The following MYO18B variants were observed in gnomAD, a reference collection of about 807,000 sequenced individuals.
The protein encoded by MYO18B is myosin XVIIIB, also known as unconventional myosin-XVIIIb.
A neutral mutation model predicts 273.0 loss-of-function variants in MYO18B; 204 were observed. That is an observed-to-expected ratio of 0.75 (90% CI 0.67 to 0.84). MYO18B has a LOEUF of 0.84. Among genes scored for constraint, MYO18B ranks in the 40% least tolerant of loss-of-function variants. MYO18B has a pLI of 0.00. For missense variants in MYO18B, 3,212 were observed against 3,287.6 expected (o/e 0.98, Z 0.56); for synonymous variants, 1,330 against 1,305.7 (o/e 1.02, Z -0.40).
Position 25,763,215 on chromosome 22 carries a change from T to G in MYO18B, c.40-16T>G. 6.2e-7 allele frequency: 1 copy of G among 1,608,406 alleles called. No homozygotes were observed. Among genetic ancestry groups the G allele is most frequent in the Non-Finnish European group, 8.5e-7 (1 of 1,176,014 alleles). On this transcript the variant is annotated splice_polypyrimidine_tract_variant and intron_variant, in intron 2 of 43. Transcript: ENST00000335473. ...TGACTCACTGAGCTCTCTCTTTCCT[T>G]GCTTCTGCAAAACAGATTCGGGAAG... is the stretch of plus-strand genomic sequence containing the variant.
chr22:26,027,180 GC>G lies in MYO18B; in HGVS notation c.7208del (p.Pro2403ArgfsTer12). On this transcript the variant is annotated frameshift_variant, in exon 43 of 44. Coordinates refer to ENST00000335473, the MANE Select transcript of MYO18B (RefSeq NM_032608.7). LOFTEE classifies it low-confidence loss of function (END_TRUNC). The surrounding 1 kb of genome is among the most constrained non-coding windows in gnomAD (Gnocchi z 4.1). Reference sequence around the variant, plus strand: ...CGGGCTGTCCAGACCTTGGAAAGGAGCCGCTTGTTTTCCAGAACCGCCAGTT... The same window carrying G: ...CGGGCTGTCCAGACCTTGGAAAGGAGCGCTTGTTTTCCAGAACCGCCAGTT... The part of the protein sequence containing the change: ...DAGCPDLGKE[P>X]LVFQNRQFAH... The G allele has an allele frequency of 6.2e-7, 1 of 1,613,984 alleles. No individual in the cohort carries two copies. Among genetic ancestry groups the G allele is most frequent in the South Asian group, 1.1e-5 (1 of 91,088 alleles).
At chr22:25,902,455 A>T (rs1349569948) in intron 29 of MYO18B, among the ~76,000 whole-genome samples, 158 bp from the exon 30 acceptor site, 24 of 152,134 alleles carry the variant, frequency 1.6e-4, no homozygotes, top group Admixed American at 1.6e-3. Flanking sequence ...AAAACTTCCA[A>T]CTTCTCATAC....
chr22:25,846,778 A>G (rs1289981613), intron 19 of MYO18B, among the ~76,000 whole-genome samples: 2 of 152,184 alleles, frequency 1.3e-5, no homozygotes, highest in Non-Finnish European at 2.9e-5. Flanking sequence ...AGGGAAGGAC[A>G]CCTTTAAATA....
chr22:26,014,438 T>C (rs1251194409), intron 42 of MYO18B, among the ~76,000 whole-genome samples: 1 of 152,228 alleles, frequency 6.6e-6, no homozygotes, highest in Non-Finnish European at 1.5e-5. Context: ...CAAATGACTC[T>C]CAGGGAAAGT....
intron 21 of MYO18B, among the ~76,000 whole-genome samples, chr22:25,858,382 G>A (rs1049246022): frequency 7.2e-5 from 11 of 152,216 alleles, no homozygotes; most frequent in African/African-American, 1.2e-4. Context: ...CTATATGGAC[G>A]GCAGCCAAAT....
the MYO18B span, among the ~76,000 whole-genome samples, chr22:26,060,497 C>T: frequency 6.6e-6 from 1 of 152,210 alleles, no homozygotes; most frequent in Non-Finnish European, 1.5e-5. Context: ...GTTTGAGGCT[C>T]CTGGGTCAAC....
At chr22:25,936,200 A>T (rs1049644610) in intron 34 of MYO18B, among the ~76,000 whole-genome samples, 3 of 152,138 alleles carry the variant, frequency 2.0e-5, no homozygotes, top group Non-Finnish European at 4.4e-5. Context: ...TGGATGTTTT[A>T]TCCTGCTTTT....
the MYO18B span, among the ~76,000 whole-genome samples, chr22:26,058,706 T>C: frequency 6.6e-6 from 1 of 152,128 alleles, no homozygotes; most frequent in Non-Finnish European, 1.5e-5. Context: ...CTCCCCTGCC[T>C]CTCTCTCTTT....
chr22:25,822,279 T>C (rs2089311604), intron 12 of MYO18B, among the ~76,000 whole-genome samples: 1 of 152,214 alleles, frequency 6.6e-6, no homozygotes, highest in Non-Finnish European at 1.5e-5. Flanking sequence ...TCACCTTTCA[T>C]AGCTCAGTTA....
chr22:26,034,496 T>C (rs944471399), downstream of MYO18B, among the ~76,000 whole-genome samples: 9 of 152,242 alleles, frequency 5.9e-5, no homozygotes, highest in African/African-American at 2.2e-4. Flanking sequence ...AGCCCATTGA[T>C]TGGCAGATAG....
chr22:25,836,626 G>C (rs2089908733), intron 17 of MYO18B, among the ~76,000 whole-genome samples: 1 of 152,110 alleles, frequency 6.6e-6, no homozygotes, highest in African/African-American at 2.4e-5. Flanking sequence ...GGTTTGTCTG[G>C]ATCTGAGACT....
chr22:25,964,386 T>C (rs2092954419), intron 39 of MYO18B: 1 of 152,168 alleles, frequency 6.6e-6, no homozygotes, highest in Admixed American at 6.5e-5. Flanking sequence ...TCCCAGTAAA[T>C]GGCAGAGTCA....
At chr22:25,876,548 TAGAGATGCTA>T (rs2091204845) in intron 24 of MYO18B, among the ~76,000 whole-genome samples, 2 of 152,178 alleles carry the variant, frequency 1.3e-5, no homozygotes, top group Non-Finnish European at 2.9e-5. Flanking sequence ...TGTGGGTGTT[TAGAGATGCTA>T]TTACCACCCT....
chr22:25,956,713 G>A (rs1238986283), intron 39 of MYO18B, among the ~76,000 whole-genome samples: 5 of 152,118 alleles, frequency 3.3e-5, no homozygotes, highest in Admixed American at 6.5e-5. Context: ...CACCCCTATC[G>A]CCTACCATCA....
intron 3 of MYO18B, among the ~76,000 whole-genome samples, chr22:25,767,285 A>C (rs2086539141): frequency 6.6e-6 from 1 of 152,202 alleles, no homozygotes; most frequent in Non-Finnish European, 1.5e-5. Context: ...AGGCAGTGGA[A>C]ACCCCTTGGG....
chr22:25,814,644 AG>A (rs1340816015), intron 12 of MYO18B, among the ~76,000 whole-genome samples: 1 of 151,918 alleles, frequency 6.6e-6, no homozygotes, highest in Admixed American at 6.6e-5. Flanking sequence ...CCTTTTTGGA[AG>A]GGAGATAGTG....
intron 13 of MYO18B, 70 bp from the exon 14 acceptor site, chr22:25,826,339 C>A: frequency 1.7e-6 from 2 of 1,174,320 alleles, no homozygotes; most frequent in Non-Finnish European, 1.2e-6. Flanking sequence ...GTCCCTACTG[C>A]TCTGCAGTGA....
chr22:25,758,485 A>T (rs2086197990), intron 1 of MYO18B, among the ~76,000 whole-genome samples: 1 of 152,106 alleles, frequency 6.6e-6, no homozygotes. Context: ...AAAAAAAGCA[A>T]AAACATGTCT....
chr22:25,963,178 T>TCTCTCTCTCTCA (rs774304270), intron 39 of MYO18B, among the ~76,000 whole-genome samples: 1 of 144,074 alleles, frequency 6.9e-6, no homozygotes, highest in African/African-American at 2.6e-5. Context: ...TCTCTCTCTC[T>TCTCTCTCTCTCA]CACACACACA....
Sources: allele counts gnomAD v4.1 joint callset (sites outside exome capture counted in the v4.1 genomes callset), GRCh38; gene constraint gnomAD v4.1.1; non-coding constraint Gnocchi (gnomAD v3.1); transcripts MANE v1.5; gene names NCBI Gene and HGNC (gene_info 2026-07-23, HGNC 2026-07-21).